The following SUSD5 variants were observed in gnomAD, a reference collection of about 807,000 sequenced individuals.
SUSD5 encodes sushi domain-containing protein 5.
SUSD5 carries 33 observed loss-of-function variants against 29.5 expected under a neutral mutation model. That is an observed-to-expected ratio of 1.12 (90% CI 0.85 to 1.49). The LOEUF (loss-of-function observed/expected upper bound fraction) is 1.49, where lower values mean the gene tolerates loss of function less well. Among genes scored for constraint, SUSD5 ranks in the 40% most tolerant of loss-of-function variants. SUSD5 has a pLI of 0.00. For missense variants in SUSD5, 776 were observed against 800.6 expected, an observed-to-expected ratio of 0.97 and a Z score of 0.37; for synonymous variants, 308 against 325.3, an observed-to-expected ratio of 0.95 and a Z score of 0.57.
intron 4 of SUSD5, among the ~76,000 whole-genome samples, chr3:33,171,859 A>G (rs903193968): frequency 8.5e-5 from 13 of 152,194 alleles, no homozygotes; most frequent in African/African-American, 2.9e-4. Flanking sequence ...TTCCTGTAAA[A>G]CGTCACCTTC....
At chr3:33,189,916 A>G (rs1329369937) in intron 3 of SUSD5, among the ~76,000 whole-genome samples, 1 of 152,220 alleles carries the variant, frequency 6.6e-6, no homozygotes, top group Non-Finnish European at 1.5e-5. Flanking sequence ...TATAAAACCA[A>G]TCTCCAATAG....
intron 3 of SUSD5, among the ~76,000 whole-genome samples, chr3:33,200,390 A>C (rs1048206018): frequency 6.6e-6 from 1 of 152,226 alleles, no homozygotes; most frequent in Non-Finnish European, 1.5e-5. Flanking sequence ...ACAAATACCT[A>C]AAAATATGGA....
At chr3:33,205,998 G>A (rs983212652) in intron 3 of SUSD5, among the ~76,000 whole-genome samples, 1 of 152,062 alleles carries the variant, frequency 6.6e-6, no homozygotes, top group Non-Finnish European at 1.5e-5. Flanking sequence ...TACTACTGAC[G>A]AAAAAAGGTT....
chr3:33,175,175 G>A (rs746909158), intron 3 of SUSD5, 101 bp from the exon 4 acceptor site: 102 of 1,283,096 alleles, frequency 7.9e-5, no homozygotes, highest in Admixed American at 1.7e-4. Flanking sequence ...GCCGCCCACC[G>A]TACCCTCAAC....
intron 3 of SUSD5, among the ~76,000 whole-genome samples, chr3:33,184,366 A>AT (rs1383262446): frequency 1.3e-5 from 2 of 152,142 alleles, no homozygotes; most frequent in East Asian, 3.9e-4. Context: ...TTATCTTTAA[A>AT]TTTTTTTGTA....
intron 4 of SUSD5, among the ~76,000 whole-genome samples, chr3:33,168,221 C>T (rs1248446178): frequency 6.6e-6 from 1 of 152,142 alleles, no homozygotes; most frequent in Non-Finnish European, 1.5e-5. Context: ...TGCTGCCTTT[C>T]TGGAAGCCCC....
intron 4 of SUSD5, among the ~76,000 whole-genome samples, chr3:33,163,773 G>A (rs913530070): frequency 3.3e-5 from 5 of 152,132 alleles, no homozygotes; most frequent in Non-Finnish European, 7.4e-5. Context: ...TGAGGCGGGC[G>A]GATCACGAGG....
intron 4 of SUSD5, among the ~76,000 whole-genome samples, chr3:33,154,655 T>A (rs1481977396): frequency 1.3e-5 from 2 of 151,910 alleles, no homozygotes; most frequent in African/African-American, 4.8e-5. Flanking sequence ...AAAATTAAAA[T>A]TTAAAAGGAT....
intron 4 of SUSD5, among the ~76,000 whole-genome samples, chr3:33,163,144 T>C (rs948584883): frequency 6.6e-6 from 1 of 152,100 alleles, no homozygotes; most frequent in Non-Finnish European, 1.5e-5. Flanking sequence ...ATACAAACTC[T>C]TCCAGACAAA....
chr3:33,201,563 C>T (rs915114277), intron 3 of SUSD5, among the ~76,000 whole-genome samples: 4 of 152,170 alleles, frequency 2.6e-5, no homozygotes, highest in African/African-American at 7.2e-5. Context: ...ACTGGTCTAG[C>T]CCACATTTTT....
Position 33,150,523 on chromosome 3 carries a change from C to G in SUSD5, c.*2219G>C, listed in dbSNP as rs2030847520. ...AAGTTATCTTGCAGTAGATTAGGAT[C>G]TAATTTATAAATATATACAGTCTCT... On this transcript the variant is annotated 3_prime_UTR_variant, in exon 5 of 5. Transcript: ENST00000309558. 1 of 152,104 alleles carries G rather than the reference C, an allele frequency of 6.6e-6. No individual in the cohort carries two copies. Among genetic ancestry groups the G allele is most frequent in the Non-Finnish European group, 1.5e-5 (1 of 68,028 alleles). The allele number at this position is 152,104 out of a possible 1,614,324, so 9.4% of individuals were successfully genotyped here.
At chr3:33,155,043 C>A (rs1575526211) in intron 4 of SUSD5, among the ~76,000 whole-genome samples, 1 of 152,194 alleles carries the variant, frequency 6.6e-6, no homozygotes, top group African/African-American at 2.4e-5. Context: ...AACTGCATTA[C>A]CTTTTAAGGC....
In SUSD5 at chr3:33,175,000, C is replaced by A. The variant is rs780382798; in HGVS notation, c.484G>T (p.Glu162Ter). 2 of 1,614,034 alleles carry A rather than the reference C, an allele frequency of 1.2e-6. No individual in the cohort carries two copies. Among genetic ancestry groups the A allele is most frequent in the East Asian group, 4.5e-5 (2 of 44,878 alleles). ...CCTGGGGCACACACGTACAGCAGTT[C>A]ATCCCCCATTTCCAAGCCGGTGCGG... ...QGRTGLEMGDELLYVCAPGHI... is the reference protein window; with the variant it reads ...QGRTGLEMGD The change falls in exon 4 of 5, where the codon GAA becomes TAA. Residue 162 changes from glutamate (E) to a stop codon, truncating the protein, a stop_gained. Transcript: ENST00000309558. LOFTEE classifies it high-confidence loss of function.
At position 33,160,486 on chromosome 3, in the gene SUSD5, T is replaced by C. The variant is rs116730957; in HGVS notation, c.599-6453A>G. On this transcript the variant is annotated intron_variant, in intron 4 of 4. Coordinates refer to ENST00000309558, the MANE Select transcript of SUSD5 (RefSeq NM_015551.2). Reference sequence around the variant, plus strand: ...AGGAGGATCACTTGAGCCCAGGAGATTGAGGCTGCAGTGGGCCATGACGTG... The same window carrying C: ...AGGAGGATCACTTGAGCCCAGGAGACTGAGGCTGCAGTGGGCCATGACGTG... 3.2e-3 allele frequency among the ~76,000 whole-genome samples: 485 copies of C among 152,122 alleles called. 2 individuals are homozygous for C. The highest frequency in any genetic ancestry group is 0.011 in the African/African-American group (447 of 41,496).
At chr3:33,171,694 G>T (rs1400671217) in intron 4 of SUSD5, among the ~76,000 whole-genome samples, 1 of 152,114 alleles carries the variant, frequency 6.6e-6, no homozygotes, top group Non-Finnish European at 1.5e-5. Flanking sequence ...GCGTGGCTAT[G>T]GTACATCCCC....
At chr3:33,185,317 C>T (rs1361593262) in intron 3 of SUSD5, among the ~76,000 whole-genome samples, 4 of 152,220 alleles carry the variant, frequency 2.6e-5, no homozygotes, top group African/African-American at 9.7e-5. Context: ...TCTCTGTTTG[C>T]TGGAAGCAAA....
chr3:33,208,880 A>G (rs896787172), intron 2 of SUSD5, among the ~76,000 whole-genome samples: 5 of 152,174 alleles, frequency 3.3e-5, no homozygotes, highest in Admixed American at 3.3e-4. Flanking sequence ...CTTCAATTAC[A>G]TAATTTCAAT....
chr3:33,161,607 T>TA (rs1207966091), intron 4 of SUSD5, among the ~76,000 whole-genome samples: 1 of 152,156 alleles, frequency 6.6e-6, no homozygotes, highest in Non-Finnish European at 1.5e-5. Context: ...AGAACCCATG[T>TA]ACCTGGTATT....
chr3:33,174,251 C>T (rs1372116171), intron 4 of SUSD5, among the ~76,000 whole-genome samples: 3 of 152,098 alleles, frequency 2.0e-5, no homozygotes, highest in South Asian at 2.1e-4. Flanking sequence ...TCCTGGAGTT[C>T]GTCTCCTCGC....
Sources: allele counts gnomAD v4.1 joint callset (sites outside exome capture counted in the v4.1 genomes callset), GRCh38; gene constraint gnomAD v4.1.1; transcripts MANE v1.5; gene names NCBI Gene and HGNC (gene_info 2026-07-23, HGNC 2026-07-21).